Variants in MAPK10 observed in about 807,000 individuals in gnomAD.
MAPK10 encodes JNK3 alpha protein kinase.
In MAPK10, 25 loss-of-function variants were observed where a neutral mutation model predicts 59.3. That is an observed-to-expected ratio of 0.42 (90% CI 0.31 to 0.59). MAPK10 has a LOEUF of 0.59. MAPK10 is among the 20% of genes least tolerant of loss of function. The pLI is 0.15. For synonymous variants in MAPK10, 190 were observed against 200.5 expected (o/e 0.95, Z 0.44); for missense variants, 351 against 568.9 (o/e 0.62, Z 3.90).
At chr4:86,450,555 T>A (rs1365750144) in intron 1 of MAPK10, among the ~76,000 whole-genome samples, 2 of 152,218 alleles carry the variant, frequency 1.3e-5, no homozygotes, top group African/African-American at 4.8e-5. Context: ...TTCAATTATC[T>A]CTGCCTCTGC....
chr4:86,283,848 T>A (rs1456256506), intron 2 of MAPK10, among the ~76,000 whole-genome samples: 2 of 152,222 alleles, frequency 1.3e-5, no homozygotes, highest in African/African-American at 4.8e-5. Context: ...TAAAGAATAT[T>A]TCCTACACTG....
intron 1 of MAPK10, among the ~76,000 whole-genome samples, chr4:86,581,335 A>T (rs1471705989): frequency 1.3e-5 from 2 of 152,110 alleles, no homozygotes; most frequent in African/African-American, 4.8e-5. Context: ...TTCAACACAT[A>T]TAAAATAATA....
chr4:86,299,618 T>C (rs1001939331), intron 2 of MAPK10, among the ~76,000 whole-genome samples: 1 of 152,220 alleles, frequency 6.6e-6, no homozygotes, highest in African/African-American at 2.4e-5. Context: ...GGTAGTTTTT[T>C]ATAGAGGCCT....
chr4:86,194,381 G>T lies in MAPK10; in HGVS notation c.21C>A (p.Tyr7Ter), dbSNP rs141835386. 2.0e-5 allele frequency: 32 copies of T among 1,611,606 alleles called. No individual in the cohort carries two copies. In the African/African-American group the frequency reaches 4.1e-4, roughly 21 times the overall value. ...CATCCAATGTTGGTTCACTGCAGTA[G>T]TATAAGAAATGGAGGCTCATAAATA... The part of the protein sequence containing the change: MSLHFL[Y>*]YCSEPTLDVK... Residue 7 changes from tyrosine (Y) to a stop codon, truncating the protein, a stop_gained, in exon 3 of 14, where the codon TAC becomes TAA. Coordinates refer to ENST00000641462, the MANE Select transcript of MAPK10 (RefSeq NM_138982.4). LOFTEE classifies it high-confidence loss of function.
At chr4:86,256,734 CTTTTTTT>C (rs767737802) in intron 2 of MAPK10, among the ~76,000 whole-genome samples, 7 of 59,622 alleles carry the variant, frequency 1.2e-4, no homozygotes, top group South Asian at 1.0e-3. Context: ...TTCTTTCTTT[CTTTTTTT>C]TTTTTTTTTT....
intron 1 of MAPK10, among the ~76,000 whole-genome samples, chr4:86,462,703 A>G (rs1277011237): frequency 1.3e-5 from 2 of 152,176 alleles, no homozygotes; most frequent in African/African-American, 4.8e-5. Context: ...AACCAATTAT[A>G]ACTTCTGTAC....
intron 3 of MAPK10, among the ~76,000 whole-genome samples, chr4:86,179,066 G>C (rs1425654602): frequency 6.6e-6 from 1 of 152,044 alleles, no homozygotes; most frequent in Non-Finnish European, 1.5e-5. Context: ...GCCAGGCATG[G>C]TGGTCAGCAC....
chr4:86,552,590 A>AG (rs945179931), intron 1 of MAPK10, among the ~76,000 whole-genome samples: 1 of 152,050 alleles, frequency 6.6e-6, no homozygotes, highest in African/African-American at 2.4e-5. Context: ...AAGAATATGC[A>AG]GAACCTACTT....
intron 2 of MAPK10, among the ~76,000 whole-genome samples, chr4:86,301,842 A>G (rs1404973718): frequency 1.3e-5 from 2 of 152,198 alleles, no homozygotes; most frequent in East Asian, 3.8e-4. Flanking sequence ...GAGAACCACT[A>G]CACAACCAGA....
At chr4:86,255,339 T>A (rs6531910) in intron 2 of MAPK10, among the ~76,000 whole-genome samples, 49,779 of 152,048 alleles carry the variant, frequency 0.33, 11,051 homozygotes, top group African/African-American at 0.63. Flanking sequence ...TGAACGGAAT[T>A]TGATATGAAG....
At chr4:86,188,576 C>T (rs1309834316) in intron 3 of MAPK10, among the ~76,000 whole-genome samples, 6 of 152,114 alleles carry the variant, frequency 3.9e-5, no homozygotes, top group Non-Finnish European at 8.8e-5. Context: ...TATCATTTGC[C>T]CATTTTTTGA....
At chr4:86,425,047 G>T (rs574468890) in intron 1 of MAPK10, among the ~76,000 whole-genome samples, 1 of 152,142 alleles carries the variant, frequency 6.6e-6, no homozygotes. Context: ...AGGTCAAGAG[G>T]AAGAAGTATA....
At chr4:86,249,301 A>T (rs552023897) in intron 2 of MAPK10, among the ~76,000 whole-genome samples, 2 of 152,168 alleles carry the variant, frequency 1.3e-5, no homozygotes. Context: ...TTAGTGGCTC[A>T]GTTATGTAAG....
At chr4:86,454,150 C>T (rs1751028532), upstream of MAPK10, among the ~76,000 whole-genome samples, 2 of 152,174 alleles carry the variant, frequency 1.3e-5, no homozygotes, top group Non-Finnish European at 2.9e-5. Flanking sequence ...CTGACAGAGC[C>T]TACCCAAATG....
intron 1 of MAPK10, among the ~76,000 whole-genome samples, chr4:86,418,278 A>C (rs1461177554): frequency 6.6e-6 from 1 of 152,172 alleles, no homozygotes; most frequent in Admixed American, 6.6e-5. Flanking sequence ...TATTTCCTCT[A>C]TGTGTGTGTT....
intron 1 of MAPK10, among the ~76,000 whole-genome samples, chr4:86,396,081 C>T (rs746577564): frequency 2.6e-5 from 4 of 152,208 alleles, no homozygotes; most frequent in African/African-American, 4.8e-5. Context: ...CGAGGTGGCT[C>T]ACGCCTGTAA....
At chr4:86,315,888 T>G (rs1471029338) in intron 2 of MAPK10, among the ~76,000 whole-genome samples, 1 of 152,176 alleles carries the variant, frequency 6.6e-6, no homozygotes, top group Non-Finnish European at 1.5e-5. Context: ...AAGTCTTTAA[T>G]ACTTCTGAGA....
intron 10 of MAPK10, chr4:86,064,701 C>A: frequency 3.3e-6 from 1 of 299,382 alleles, no homozygotes; most frequent in Non-Finnish European, 6.3e-6. Context: ...TGGTAACCTG[C>A]ATGAATATAG....
intron 2 of MAPK10, among the ~76,000 whole-genome samples, chr4:86,211,659 A>G (rs2085849163): frequency 6.6e-6 from 1 of 152,122 alleles, no homozygotes. Flanking sequence ...TATATAGATA[A>G]TTATAAAAGT....
Sources: gnomAD v4.1 joint callset for allele counts (sites outside exome capture counted in the v4.1 genomes callset) on GRCh38, gnomAD v4.1.1 for gene constraint, MANE v1.5 for transcripts, NCBI Gene and HGNC (gene_info 2026-07-23, HGNC 2026-07-21) for gene names.